VPS13C: variants seen among roughly 807,000 people sequenced by gnomAD.
The protein encoded by VPS13C is intermembrane lipid transfer protein VPS13C.
In VPS13C, 358 loss-of-function variants were observed where a neutral mutation model predicts 456.8. The observed-to-expected ratio is 0.78, with a 90% CI of 0.72 to 0.86. The LOEUF is 0.86. VPS13C is among the 40% of genes least tolerant of loss of function. VPS13C has a pLI of 0.00. For missense variants in VPS13C, 4,818 were observed against 4,385.4 expected (o/e 1.10, Z -2.79); for synonymous variants, 1,578 against 1,486.7 (o/e 1.06, Z -1.41).
intron 1 of VPS13C, among the ~76,000 whole-genome samples, chr15:62,056,518 G>A (rs1248250832): frequency 6.6e-6 from 1 of 152,148 alleles, no homozygotes; most frequent in Admixed American, 6.5e-5. Flanking sequence ...GTGGTCTAGC[G>A]GTAGCGAAAA....
intron 66 of VPS13C, among the ~76,000 whole-genome samples, chr15:61,894,573 GAGT>G (rs1047818427): frequency 2.0e-5 from 3 of 151,700 alleles, no homozygotes; most frequent in African/African-American, 7.3e-5. Context: ...AAAAAAAAAA[GAGT>G]AGGAGTAGCT....
rs188068981 is a variant in VPS13C at position 61,973,443 on chromosome 15, A to G, written c.2617+11T>C. On this transcript the variant is annotated intron_variant, in intron 26 of 84. Transcript: ENST00000644861. ...TAATTTAATAGAGAAAGAGTATTTT[A>G]CTTTCCTTACCTGATTCCACAGTGT... is the stretch of plus-strand genomic sequence containing the variant. The G allele has an allele frequency of 6.2e-7, 1 of 1,600,132 alleles. No individual in the cohort carries two copies. The highest frequency in any genetic ancestry group is 2.2e-5 in the East Asian group (1 of 44,706).
At chr15:61,854,607 A>T (rs775625779) in intron 84 of VPS13C, 49 bp from the exon 85 acceptor site, 31 of 1,584,070 alleles carry the variant, frequency 2.0e-5, no homozygotes, top group Non-Finnish European at 2.7e-5. Flanking sequence ...GTATAGGCTC[A>T]TTTGGTTGAA....
intron 60 of VPS13C, among the ~76,000 whole-genome samples, chr15:61,916,660 A>T (rs1371188884): frequency 1.3e-5 from 2 of 152,068 alleles, no homozygotes; most frequent in Admixed American, 6.6e-5. Context: ...ATAAAAAAAC[A>T]TGTAGGTTCC....
intron 47 of VPS13C, among the ~76,000 whole-genome samples, chr15:61,937,584 C>G (rs1037340962): frequency 6.6e-6 from 1 of 152,350 alleles, no homozygotes; most frequent in East Asian, 1.9e-4. Flanking sequence ...ACGCCATTCT[C>G]CTGCCTCAAC....
chr15:61,882,520 T>G (rs146283617), intron 69 of VPS13C, 76 bp downstream of exon 69: 2 of 1,336,756 alleles, frequency 1.5e-6, no homozygotes, highest in African/African-American at 3.0e-5. Flanking sequence ...GTAAACTATA[T>G]AGTTGTAAAA....
At chr15:62,030,947 A>G (rs2047795431) in intron 5 of VPS13C, among the ~76,000 whole-genome samples, 1 of 152,116 alleles carries the variant, frequency 6.6e-6, no homozygotes, top group South Asian at 2.1e-4. Context: ...TATTACTTTG[A>G]TAAAATCCAA....
intron 61 of VPS13C, among the ~76,000 whole-genome samples, chr15:61,915,009 T>G (rs934216664): frequency 6.8e-6 from 1 of 146,420 alleles, no homozygotes; most frequent in African/African-American, 2.5e-5. Context: ...GGTTAGAAAA[T>G]CTTCATATAT....
At chr15:61,899,604 A>C (rs1177696308) in intron 66 of VPS13C, among the ~76,000 whole-genome samples, 4 of 148,906 alleles carry the variant, frequency 2.7e-5, no homozygotes, top group African/African-American at 9.8e-5. Context: ...AGGATCTGAA[A>C]TTGTGGCAAT....
At chr15:61,937,549 A>G (rs1596354970) in intron 47 of VPS13C, among the ~76,000 whole-genome samples, 2 of 152,154 alleles carry the variant, frequency 1.3e-5, no homozygotes, top group South Asian at 4.1e-4. Context: ...ATCTTGGCTC[A>G]CTGCAAGCTC....
chr15:62,002,725 G>C (rs2046674088), intron 15 of VPS13C, among the ~76,000 whole-genome samples: 1 of 152,064 alleles, frequency 6.6e-6, no homozygotes, highest in African/African-American at 2.4e-5. Context: ...TCCAGTTTCA[G>C]CTTTCTACAT....
Position 61,929,739 on chromosome 15 carries a change from GTCAA to G in VPS13C, c.6044_6047del (p.Ile2015ThrfsTer12). On this transcript the variant is annotated frameshift_variant, in exon 51 of 85. Transcript: ENST00000644861. LOFTEE classifies it high-confidence loss of function. ...TGTTGTTATCTTGGTCATTCTTTCT[GTCAA>G]TCATTCTGAAAAAAAACATGCTATT... 6.2e-7 allele frequency: 1 copy of G among 1,608,230 alleles called. No individual in the cohort carries two copies. Among genetic ancestry groups the G allele is most frequent in the Admixed American group, 1.7e-5 (1 of 59,746 alleles).
intron 15 of VPS13C, among the ~76,000 whole-genome samples, chr15:62,004,290 T>C (rs2140476372): frequency 6.6e-6 from 1 of 151,832 alleles, no homozygotes; most frequent in South Asian, 2.1e-4. Flanking sequence ...TCTTCTAGAT[T>C]TTCTAGTTTA....
intron 1 of VPS13C, among the ~76,000 whole-genome samples, chr15:62,058,498 C>T (rs970895175): frequency 2.0e-5 from 3 of 151,976 alleles, no homozygotes; most frequent in Admixed American, 6.6e-5. Flanking sequence ...TAAAAAAATG[C>T]AAATTAAAAA....
intron 66 of VPS13C, among the ~76,000 whole-genome samples, chr15:61,899,599 C>T (rs1183674485): frequency 6.7e-6 from 1 of 148,556 alleles, no homozygotes; most frequent in African/African-American, 2.5e-5. Context: ...ATAACAGGAT[C>T]TGAAATTGTG....
At chr15:61,861,386 A>G (rs1303956285) in intron 82 of VPS13C, among the ~76,000 whole-genome samples, 1 of 152,184 alleles carries the variant, frequency 6.6e-6, no homozygotes, top group Non-Finnish European at 1.5e-5. Context: ...ATTCTTGTAC[A>G]TACTGTTCAT....
chr15:61,951,609 T>TA (rs1267334235), intron 39 of VPS13C, among the ~76,000 whole-genome samples: 5 of 152,144 alleles, frequency 3.3e-5, no homozygotes, highest in Non-Finnish European at 5.9e-5. Context: ...TTTAAAAATT[T>TA]AAAAAACAAA....
At chr15:61,948,676 T>C (rs1163253112) in intron 42 of VPS13C, among the ~76,000 whole-genome samples, 1 of 150,566 alleles carries the variant, frequency 6.6e-6, no homozygotes, top group Non-Finnish European at 1.5e-5. Context: ...AAAGTGAAAT[T>C]CCGTCTCAAA....
chr15:62,041,200 T>C, intron 3 of VPS13C, 124 bp downstream of exon 3: 3 of 906,184 alleles, frequency 3.3e-6, no homozygotes, highest in Non-Finnish European at 5.1e-6. Context: ...CTACGAGCTC[T>C]AATTAATGAG....
Sources: allele counts gnomAD v4.1 joint callset (sites outside exome capture counted in the v4.1 genomes callset), GRCh38; gene constraint gnomAD v4.1.1; transcripts MANE v1.5; gene names NCBI Gene and HGNC (gene_info 2026-07-23, HGNC 2026-07-21).